Variants in PPP1R12B observed in about 807,000 individuals in gnomAD.
The protein encoded by PPP1R12B is protein phosphatase 1 regulatory subunit 12B, also known as myosin phosphatase target subunit 2.
In PPP1R12B, 76 loss-of-function variants were observed where a neutral mutation model predicts 126.1. The ratio of observed to expected loss-of-function variants is 0.60; its 90% confidence interval spans 0.50 to 0.73. The LOEUF (loss-of-function observed/expected upper bound fraction) is 0.73, where lower values mean the gene tolerates loss of function less well. PPP1R12B is among the 30% of genes least tolerant of loss of function. The pLI, the probability that PPP1R12B is intolerant of heterozygous loss-of-function variation, is 0.00. For synonymous variants in PPP1R12B, 356 were observed against 434.7 expected (o/e 0.82, Z 2.25); for missense variants, 1,052 against 1,205.1 (o/e 0.87, Z 1.88).
chr1:202,554,195 A>G (rs1558366508), intron 18 of PPP1R12B, among the ~76,000 whole-genome samples: 1 of 152,140 alleles, frequency 6.6e-6, no homozygotes, highest in African/African-American at 2.4e-5. Flanking sequence ...ACCAATGAAA[A>G]TTAGTTAGGA....
intron 13 of PPP1R12B, among the ~76,000 whole-genome samples, chr1:202,474,290 A>ATTTT (rs752137864): frequency 6.9e-6 from 1 of 144,120 alleles, no homozygotes; most frequent in Non-Finnish European, 1.5e-5. Flanking sequence ...AACAAATTGC[A>ATTTT]TTTTTTTTTT....
rs1388815275 is a variant in PPP1R12B, at chr1:202,591,359, C to A, written c.*10799C>A. On this transcript the variant is annotated 3_prime_UTR_variant, in exon 24 of 24. Coordinates refer to ENST00000608999, the MANE Select transcript of PPP1R12B (RefSeq NM_002481.4). ...CATCCTGGGCTCTTCCCATGCAGTA[C>A]TGCCCTCAGGTGCCCATGGGGCCAG... 1 of 152,558 alleles carries A rather than the reference C, an allele frequency of 6.6e-6. No homozygotes were observed. Among genetic ancestry groups the A allele is most frequent in the Non-Finnish European group, 1.5e-5 (1 of 68,300 alleles). 9.5% of individuals were successfully genotyped at this position (152,558 alleles called of 1,614,324 possible).
chr1:202,505,303 C>A (rs1680685573), intron 18 of PPP1R12B, among the ~76,000 whole-genome samples: 1 of 152,198 alleles, frequency 6.6e-6, no homozygotes. Context: ...ATAACCCATC[C>A]CATTTATGCT....
At chr1:202,491,087 A>G (rs1166261912) in intron 14 of PPP1R12B, among the ~76,000 whole-genome samples, 1 of 152,082 alleles carries the variant, frequency 6.6e-6, no homozygotes, top group East Asian at 1.9e-4. Flanking sequence ...AGCAGTGCAC[A>G]AGGGTTCTAA....
intron 1 of PPP1R12B, among the ~76,000 whole-genome samples, chr1:202,394,806 TAAAAG>T (rs763701389): frequency 1.1e-4 from 17 of 149,668 alleles, no homozygotes; most frequent in African/African-American, 2.2e-4. Flanking sequence ...AAAAAAGAAA[TAAAAG>T]AGAAGAGAAA....
At chr1:202,512,493 G>T (rs532600059) in intron 18 of PPP1R12B, among the ~76,000 whole-genome samples, 1 of 152,298 alleles carries the variant, frequency 6.6e-6, no homozygotes, top group African/African-American at 2.4e-5. Flanking sequence ...TTCAAAGCTT[G>T]TTGCATCTCT....
chr1:202,576,608 T>C lies in PPP1R12B; in HGVS notation c.2863-3866T>C, dbSNP rs1445846355. 3 of 152,208 alleles carry C rather than the reference T, an allele frequency of 2.0e-5. No homozygotes were observed. The East Asian group carries it at 5.8e-4, about 29-fold the overall frequency. 9.4% of individuals were successfully genotyped at this position (152,208 alleles called of 1,614,324 possible). A position where few individuals can be genotyped will look rare whatever the true frequency, so the allele number is the denominator to read the frequency against. ...GCTTTAAAGTTAGCCTCAAGATTCC[T>C]GGAAATTTTTACTTAGGCTAAACTA... is the stretch of plus-strand genomic sequence containing the variant. On this transcript the variant is annotated intron_variant, in intron 23 of 23. Transcript: ENST00000608999.
chr1:202,443,848 G>T (rs2148701802), intron 12 of PPP1R12B, among the ~76,000 whole-genome samples: 1 of 152,330 alleles, frequency 6.6e-6, no homozygotes, highest in African/African-American at 2.4e-5. Flanking sequence ...CAAATAATCA[G>T]CAAATGGGTT....
intron 18 of PPP1R12B, among the ~76,000 whole-genome samples, chr1:202,538,242 A>C (rs1253254895): frequency 6.6e-6 from 1 of 152,150 alleles, no homozygotes; most frequent in African/African-American, 2.4e-5. Context: ...TGATCCACCC[A>C]CCTTGGCCTC....
chr1:202,370,287 T>G (rs1659987541), intron 1 of PPP1R12B: 1 of 152,802 alleles, frequency 6.5e-6, no homozygotes, highest in Non-Finnish European at 1.5e-5. Flanking sequence ...AACATAATGT[T>G]TTTGAGATTT....
At chr1:202,373,513 G>A (rs1305991210) in intron 1 of PPP1R12B, among the ~76,000 whole-genome samples, 1 of 152,048 alleles carries the variant, frequency 6.6e-6, no homozygotes, top group African/African-American at 2.4e-5. Context: ...AGCTAGGGGG[G>A]TCCATCTTTA....
chr1:202,373,737 TTTGA>T lies in PPP1R12B; in HGVS notation c.291+24598_291+24601del, dbSNP rs1400562584. On this transcript the variant is annotated intron_variant, in intron 1 of 23. Coordinates refer to ENST00000608999, the MANE Select transcript of PPP1R12B (RefSeq NM_002481.4). ...ATGATGTTTAGTTTCCAGTAGCTTC[TTTGA>T]TTAAGGAATTTTCTTATTTCTAGTT... is the stretch of plus-strand genomic sequence containing the variant. 2.0e-5 allele frequency among the ~76,000 whole-genome samples: 3 copies of T among 152,204 alleles called. No homozygotes were observed. The East Asian group carries it at 5.8e-4, about 29-fold the overall frequency.
At chr1:202,431,816 T>A (rs1321323243) in intron 8 of PPP1R12B, among the ~76,000 whole-genome samples, 197 bp downstream of exon 8, 1 of 152,192 alleles carries the variant, frequency 6.6e-6, no homozygotes, top group Non-Finnish European at 1.5e-5. Flanking sequence ...TACCAATTCC[T>A]GTGTAGCCAT....
chr1:202,355,376 T>G (rs1656890573), intron 1 of PPP1R12B, among the ~76,000 whole-genome samples: 1 of 152,212 alleles, frequency 6.6e-6, no homozygotes, highest in Non-Finnish European at 1.5e-5. Context: ...AAAAAAAGAT[T>G]CCTTTTAGAG....
At chr1:202,441,826 G>A (rs569201253) in intron 11 of PPP1R12B, among the ~76,000 whole-genome samples, 6 of 150,954 alleles carry the variant, frequency 4.0e-5, no homozygotes, top group Non-Finnish European at 5.9e-5. Context: ...TAAAAGCCAC[G>A]TGCTACTAAG....
chr1:202,564,600 G>T, intron 21 of PPP1R12B, 53 bp downstream of exon 21: 1 of 1,434,202 alleles, frequency 7.0e-7, no homozygotes. Flanking sequence ...ATGTAAGGAA[G>T]CAAACTAGAC....
chr1:202,400,549 A>C (rs1346132344), intron 1 of PPP1R12B, among the ~76,000 whole-genome samples: 1 of 152,240 alleles, frequency 6.6e-6, no homozygotes, highest in Non-Finnish European at 1.5e-5. Flanking sequence ...AAGCAGGAAA[A>C]TGCATCCCAG....
intron 13 of PPP1R12B, among the ~76,000 whole-genome samples, chr1:202,467,322 C>T (rs1399877113): frequency 6.6e-6 from 1 of 151,720 alleles, no homozygotes; most frequent in Non-Finnish European, 1.5e-5. Context: ...GTGCTGCACC[C>T]ATTAATTCGT....
chr1:202,498,667 C>T (rs1412104536), intron 18 of PPP1R12B, among the ~76,000 whole-genome samples: 1 of 152,216 alleles, frequency 6.6e-6, no homozygotes, highest in African/African-American at 2.4e-5. Context: ...TAAATTCCTA[C>T]ATTTCTATTT....
Sources: gnomAD v4.1 joint callset for allele counts (sites outside exome capture counted in the v4.1 genomes callset) on GRCh38, gnomAD v4.1.1 for gene constraint, MANE v1.5 for transcripts, NCBI Gene and HGNC (gene_info 2026-07-23, HGNC 2026-07-21) for gene names.